ANXA8: variants seen among roughly 807,000 people sequenced by gnomAD.
The protein encoded by ANXA8 is annexin A8.
A neutral mutation model predicts 26.8 loss-of-function variants in ANXA8; 9 were observed. The observed-to-expected ratio is 0.34, with a 90% CI of 0.20 to 0.59. The LOEUF (loss-of-function observed/expected upper bound fraction) is 0.59, where lower values mean the gene tolerates loss of function less well. Ranked by LOEUF, ANXA8 falls within the 20% of genes least tolerant of loss-of-function variation. The pLI is 0.84. For synonymous variants in ANXA8, 39 were observed against 94.8 expected, an observed-to-expected ratio of 0.41 and a Z score of 3.42; for missense variants, 83 against 238.5, an observed-to-expected ratio of 0.35 and a Z score of 4.29.
chr10:47,728,771 TGA>T, the ANXA8 span, among the ~76,000 whole-genome samples: 1 of 142,482 alleles, frequency 7.0e-6, no homozygotes, highest in African/African-American at 2.6e-5. Flanking sequence ...TTTTTTTTTT[TGA>T]GATGGAGTTT....
chr10:47,486,934 T>C (rs1341667632), upstream of ANXA8, among the ~76,000 whole-genome samples: 4 of 150,128 alleles, frequency 2.7e-5, no homozygotes, highest in Non-Finnish European at 4.4e-5. Context: ...GATCACACCA[T>C]TGCCCTCCAG....
At chr10:47,656,192 T>G in the ANXA8 span, among the ~76,000 whole-genome samples, 439 of 151,402 alleles carry the variant, frequency 2.9e-3, 2 homozygotes, top group African/African-American at 0.01. Context: ...AGCCCAGGAG[T>G]TTGAAACCAG....
the ANXA8 span, among the ~76,000 whole-genome samples, chr10:47,953,252 T>C: frequency 6.7e-6 from 1 of 148,270 alleles, no homozygotes; most frequent in Non-Finnish European, 1.5e-5. Context: ...GGAAGATCAG[T>C]AAGAAGAAGA....
At chr10:47,663,268 CGT>C in the ANXA8 span, among the ~76,000 whole-genome samples, 15 of 148,638 alleles carry the variant, frequency 1.0e-4, no homozygotes, top group Admixed American at 2.0e-4. Context: ...CACTGATGAC[CGT>C]GTGTCTCTGC....
the ANXA8 span, among the ~76,000 whole-genome samples, chr10:47,578,087 A>G: frequency 3.3e-5 from 2 of 60,306 alleles, no homozygotes; most frequent in East Asian, 2.8e-4. Flanking sequence ...AGGCCGAGGC[A>G]GGTGGATCAC....
the ANXA8 span, among the ~76,000 whole-genome samples, chr10:47,705,922 G>T: frequency 6.7e-6 from 1 of 149,932 alleles, no homozygotes; most frequent in Non-Finnish European, 1.5e-5. Context: ...CGCACCCCCC[G>T]CGTATTTCGG....
the ANXA8 span, among the ~76,000 whole-genome samples, chr10:47,989,164 G>A: frequency 2.1e-5 from 3 of 141,238 alleles, no homozygotes; most frequent in Non-Finnish European, 4.7e-5. Context: ...CAGAAGCTGA[G>A]CTCTATCTAC....
the ANXA8 span, among the ~76,000 whole-genome samples, chr10:47,654,272 G>A: frequency 1.4e-5 from 2 of 145,470 alleles, no homozygotes; most frequent in African/African-American, 2.7e-5. Context: ...AGTTTTACTT[G>A]GAAGAGGACA....
At chr10:47,763,592 C>T in the ANXA8 span, 1 of 421,892 alleles carries the variant, frequency 2.4e-6, no homozygotes, top group Non-Finnish European at 3.2e-6. Context: ...ATTATTAGAA[C>T]GCAGGGCCCG....
At chr10:47,621,608 G>C in the ANXA8 span, among the ~76,000 whole-genome samples, 1 of 108,474 alleles carries the variant, frequency 9.2e-6, no homozygotes, top group Non-Finnish European at 2.0e-5. Context: ...TGACTCCTTG[G>C]TTTCCATTTT....
chr10:47,968,072 T>C, the ANXA8 span, among the ~76,000 whole-genome samples: 2 of 151,424 alleles, frequency 1.3e-5, no homozygotes, highest in Admixed American at 6.6e-5. Context: ...ACAAATACAG[T>C]CCTCGAGATT....
At chr10:47,669,800 C>G in the ANXA8 span, among the ~76,000 whole-genome samples, 3 of 152,052 alleles carry the variant, frequency 2.0e-5, no homozygotes, top group Non-Finnish European at 2.9e-5. Context: ...TATGTATGTT[C>G]CATCTTCTCT....
the ANXA8 span, among the ~76,000 whole-genome samples, chr10:47,685,368 G>GA: frequency 0.24 from 34,445 of 144,448 alleles, 3,937 homozygotes; most frequent in East Asian, 0.52. Context: ...AAAAGAAAAA[G>GA]AAAAAAAAAC....
chr10:47,744,158 C>A, the ANXA8 span, among the ~76,000 whole-genome samples: 2 of 148,096 alleles, frequency 1.4e-5, no homozygotes, highest in African/African-American at 4.9e-5. Context: ...GGTGCTGCAC[C>A]GGCAGGAGCG....
intron 1 of ANXA8, 49 bp downstream of exon 1, chr10:47,483,864 G>A: frequency 6.2e-7 from 1 of 1,611,626 alleles, no homozygotes; most frequent in South Asian, 1.1e-5. Context: ...CTGGTGACCA[G>A]CACCCAACAC....
the ANXA8 span, chr10:47,710,204 A>G: frequency 2.2e-6 from 3 of 1,390,354 alleles, no homozygotes; most frequent in Non-Finnish European, 2.9e-6. Flanking sequence ...GTCTGTATGC[A>G]TGTTTTTTTT....
the ANXA8 span, among the ~76,000 whole-genome samples, chr10:47,940,774 GC>G: frequency 3.0e-4 from 43 of 144,138 alleles, no homozygotes; most frequent in Non-Finnish European, 5.8e-4. Context: ...GTTGCAGTGA[GC>G]CGAGATCATG....
the ANXA8 span, among the ~76,000 whole-genome samples, chr10:47,573,326 T>C: frequency 6.6e-6 from 1 of 150,398 alleles, no homozygotes. Context: ...AGATGGGATC[T>C]CACTATGTTG....
At chr10:47,947,793 T>C in the ANXA8 span, among the ~76,000 whole-genome samples, 1 of 150,510 alleles carries the variant, frequency 6.6e-6, no homozygotes, top group Non-Finnish European at 1.5e-5. Flanking sequence ...CAGGTCATTC[T>C]TTATAGCAGT....
Sources: gnomAD v4.1 joint callset for allele counts (sites outside exome capture counted in the v4.1 genomes callset) on GRCh38, gnomAD v4.1.1 for gene constraint, MANE v1.5 for transcripts, NCBI Gene and HGNC (gene_info 2026-07-23, HGNC 2026-07-21) for gene names.